Variants in FRMD5 observed in about 807,000 individuals in gnomAD.
FRMD5 encodes FERM domain containing 5.
Under a neutral mutation model 69.0 loss-of-function variants are expected in FRMD5, and 20 were observed. The observed-to-expected ratio is 0.29, with a 90% CI of 0.20 to 0.42. FRMD5 has a LOEUF of 0.42. Ranked by LOEUF, FRMD5 falls within the 10% of genes least tolerant of loss-of-function variation. The pLI is 1.00. For missense variants in FRMD5, 595 were observed against 708.6 expected, an observed-to-expected ratio of 0.84 and a Z score of 1.82; for synonymous variants, 271 against 260.1, an observed-to-expected ratio of 1.04 and a Z score of -0.40.
rs1006711939 is a variant in FRMD5, at chr15:44,166,783, C to CAA, written c.102+28168_102+28169dup. ...TGGGTGACAAAGTGAGACCCTATCT[C>CAA]AAAAAAAAAAAAAAAAAAAAAAAAG... On this transcript the variant is annotated intron_variant, in intron 1 of 13. Coordinates refer to ENST00000417257, the MANE Select transcript of FRMD5 (RefSeq NM_032892.5). Among the ~76,000 whole-genome samples the CAA allele has an allele frequency of 5.2e-3, 275 of 52,518 alleles. 5 individuals carry two copies. The highest frequency in any genetic ancestry group is 0.05 in the East Asian group (80 of 1,588). 34.5% of individuals were successfully genotyped at this position (52,518 alleles called of 152,430 possible).
At chr15:43,993,755 G>C (rs1337088923) in intron 1 of FRMD5, among the ~76,000 whole-genome samples, 1 of 151,998 alleles carries the variant, frequency 6.6e-6, no homozygotes, top group African/African-American at 2.4e-5. Context: ...AATATACTTA[G>C]GTGCTCCAGT....
intron 1 of FRMD5, among the ~76,000 whole-genome samples, chr15:43,995,436 G>C (rs564651326): frequency 6.6e-6 from 1 of 152,130 alleles, no homozygotes; most frequent in South Asian, 2.1e-4. Context: ...GCCTGAGTTT[G>C]TGGGGGCAGG....
intron 1 of FRMD5, among the ~76,000 whole-genome samples, chr15:44,191,850 C>G (rs2078198559): frequency 7.1e-6 from 1 of 140,608 alleles, no homozygotes; most frequent in East Asian, 2.1e-4. Flanking sequence ...TTTAATTTTC[C>G]CTATTTTCTC....
intron 10 of FRMD5, 95 bp downstream of exon 10, chr15:43,888,080 C>G: frequency 1.1e-6 from 1 of 928,538 alleles, no homozygotes; most frequent in Non-Finnish European, 1.7e-6. Flanking sequence ...TTCCAGCTAC[C>G]CCGCCCCAAG....
intron 1 of FRMD5, among the ~76,000 whole-genome samples, chr15:43,961,280 A>G (rs1372566395): frequency 1.3e-5 from 2 of 152,240 alleles, no homozygotes; most frequent in Non-Finnish European, 2.9e-5. Flanking sequence ...AAACACCTCT[A>G]CGCAAATAAA....
At chr15:43,979,274 A>G (rs1219878526) in intron 1 of FRMD5, among the ~76,000 whole-genome samples, 1 of 151,898 alleles carries the variant, frequency 6.6e-6, no homozygotes, top group Non-Finnish European at 1.5e-5. Flanking sequence ...GGTGGAGATT[A>G]CAGTGAGCGG....
Position 43,902,275 on chromosome 15 carries a change from AGAT to A in FRMD5, c.552-16_552-14del, listed in dbSNP as rs756163117. ...TGGTGTTTGACCACTGGAATAAAGA[AGAT>A]GAGATGATTTCAAGGTGTCTTGTTC... On this transcript the variant is annotated splice_polypyrimidine_tract_variant and intron_variant, in intron 6 of 13. Transcript: ENST00000417257. The A allele has an allele frequency of 6.2e-7, 1 of 1,605,960 alleles. No homozygotes were observed.
chr15:44,146,920 T>C (rs1309035264), intron 1 of FRMD5, among the ~76,000 whole-genome samples: 1 of 152,142 alleles, frequency 6.6e-6, no homozygotes, highest in Non-Finnish European at 1.5e-5. Context: ...ACAAAAACTT[T>C]CTCCCACTCT....
In FRMD5 at chr15:44,195,178, C is replaced by CAGCAGGAGGCAACG; in HGVS notation, c.-125_-124insCGTTGCCTCCTGCT. 1.5e-6 allele frequency: 1 copy of CAGCAGGAGGCAACG among 677,566 alleles called. No homozygotes were observed. The highest frequency in any genetic ancestry group is 2.3e-6 in the Non-Finnish European group (1 of 425,550). 42.0% of individuals were successfully genotyped at this position (677,566 alleles called of 1,614,324 possible). The stretch of plus-strand genomic sequence containing the variant: ...ACCATCACCCCGGCCCCGTCGCTGC[C>CAGCAGGAGGCAACG]GTTGCCTCCTGCTGGCCTCGTTCCT... On this transcript the variant is annotated 5_prime_UTR_variant, in exon 1 of 14. Coordinates refer to ENST00000417257, the MANE Select transcript of FRMD5 (RefSeq NM_032892.5).
chr15:44,017,051 T>G (rs1436105572), intron 1 of FRMD5, among the ~76,000 whole-genome samples: 2 of 151,800 alleles, frequency 1.3e-5, no homozygotes, highest in African/African-American at 4.8e-5. Context: ...ATTAAAAGCA[T>G]GAACTGGCCG....
At chr15:43,957,734 G>A (rs748227043) in intron 1 of FRMD5, among the ~76,000 whole-genome samples, 3 of 152,206 alleles carry the variant, frequency 2.0e-5, no homozygotes, top group Non-Finnish European at 1.5e-5. Context: ...TATTTTGAAT[G>A]TTGTGCTCTT....
chr15:44,066,577 CAGATCTATCAGAGTTGA>C, intron 1 of FRMD5, among the ~76,000 whole-genome samples: 1 of 152,258 alleles, frequency 6.6e-6, no homozygotes, highest in South Asian at 2.1e-4. Context: ...ATGAGTTGTT[CAGATCTATCAGAGTTGA>C]GAGAACATGT....
intron 7 of FRMD5, among the ~76,000 whole-genome samples, chr15:43,900,762 CAT>C (rs757937194): frequency 2.2e-4 from 34 of 152,102 alleles, no homozygotes; most frequent in East Asian, 1.6e-3. Context: ...GGATTACAGT[CAT>C]GTGTCACCAT....
chr15:43,886,368 A>T (rs1217162831), intron 10 of FRMD5, among the ~76,000 whole-genome samples: 1 of 152,212 alleles, frequency 6.6e-6, no homozygotes, highest in African/African-American at 2.4e-5. Context: ...TAACTTTAAT[A>T]AAAGTCCGTC....
At chr15:44,006,209 C>T (rs1200970536) in intron 1 of FRMD5, among the ~76,000 whole-genome samples, 1 of 152,128 alleles carries the variant, frequency 6.6e-6, no homozygotes, top group African/African-American at 2.4e-5. Context: ...ATATATTGTG[C>T]CTGTGCTCTA....
chr15:43,882,162 G>C (rs1313398347), intron 13 of FRMD5, among the ~76,000 whole-genome samples: 1 of 152,180 alleles, frequency 6.6e-6, no homozygotes. Context: ...TATTCCAAGA[G>C]CGCCTCCTAA....
intron 1 of FRMD5, among the ~76,000 whole-genome samples, chr15:44,038,705 G>A (rs1477914572): frequency 1.3e-5 from 2 of 151,754 alleles, no homozygotes; most frequent in Non-Finnish European, 2.9e-5. Flanking sequence ...CACAGAGGGC[G>A]AGCTGAAGCA....
intron 4 of FRMD5, chr15:43,917,790 C>G (rs1402676359): frequency 1.3e-5 from 2 of 152,386 alleles, no homozygotes; most frequent in Non-Finnish European, 2.9e-5. Context: ...AGAGCCACCT[C>G]CACTTCCACA....
At chr15:44,003,780 G>A (rs1006128074) in intron 1 of FRMD5, among the ~76,000 whole-genome samples, 10 of 151,998 alleles carry the variant, frequency 6.6e-5, no homozygotes, top group East Asian at 3.9e-4. Flanking sequence ...CTATGTTTTC[G>A]TATTCTACAG....
Sources: allele counts gnomAD v4.1 joint callset (sites outside exome capture counted in the v4.1 genomes callset), GRCh38; gene constraint gnomAD v4.1.1; transcripts MANE v1.5; gene names NCBI Gene and HGNC (gene_info 2026-07-23, HGNC 2026-07-21).